APPBP2: variants seen among roughly 807,000 people sequenced by gnomAD.
The protein encoded by APPBP2 is amyloid beta precursor protein binding protein 2.
A neutral mutation model predicts 76.0 loss-of-function variants in APPBP2; 15 were observed. The observed-to-expected ratio is 0.20, with a 90% CI of 0.13 to 0.30. APPBP2 has a LOEUF of 0.30. Among genes scored for constraint, APPBP2 ranks in the 10% least tolerant of loss-of-function variants. The probability of loss-of-function intolerance (pLI) is 1.00; values close to 1 mark genes in which losing one functional copy is unlikely to be tolerated. For missense variants in APPBP2, 401 were observed against 687.2 expected, an observed-to-expected ratio of 0.58 and a Z score of 4.66; for synonymous variants, 222 against 242.2, an observed-to-expected ratio of 0.92 and a Z score of 0.77.
intron 1 of APPBP2, among the ~76,000 whole-genome samples, chr17:60,501,678 T>G (rs1158245789): frequency 6.6e-6 from 1 of 152,220 alleles, no homozygotes; most frequent in East Asian, 1.9e-4. Flanking sequence ...AATAATACAG[T>G]GCCTTAGAAA....
intron 3 of APPBP2, among the ~76,000 whole-genome samples, chr17:60,482,995 G>A (rs1319882449): frequency 6.6e-6 from 1 of 152,184 alleles, no homozygotes; most frequent in Non-Finnish European, 1.5e-5. Context: ...AGATCCTTGA[G>A]GAATCGCCAC....
At chr17:60,502,467 C>T (rs1215030456) in intron 1 of APPBP2, among the ~76,000 whole-genome samples, 1 of 152,008 alleles carries the variant, frequency 6.6e-6, no homozygotes, top group Non-Finnish European at 1.5e-5. Flanking sequence ...TACAAACATA[C>T]ACTCCAAAAA....
At chr17:60,507,331 C>T (rs1358830732) in intron 1 of APPBP2, among the ~76,000 whole-genome samples, 5 of 151,714 alleles carry the variant, frequency 3.3e-5, no homozygotes, top group South Asian at 2.1e-4. Context: ...AAGTGGTTCT[C>T]GTGCCTCAGT....
At chr17:60,457,555 T>C (rs1176281304) in intron 9 of APPBP2, among the ~76,000 whole-genome samples, 1 of 151,990 alleles carries the variant, frequency 6.6e-6, no homozygotes, top group African/African-American at 2.4e-5. Flanking sequence ...GCCTCCCGGA[T>C]AGGTGGGTTA....
chr17:60,454,395 TTGGAG>T lies in APPBP2; in HGVS notation c.1240_1244del (p.Leu414ThrfsTer3). ...ATTCCCCAAAAGCTTTTTTAGCTAG[TTGGAG>T]TGAAGACAGGTGCAAATCATGAGCT... On this transcript the variant is annotated frameshift_variant, in exon 11 of 13. Coordinates refer to ENST00000083182, the MANE Select transcript of APPBP2 (RefSeq NM_006380.5). LOFTEE classifies it high-confidence loss of function. The T allele has an allele frequency of 6.2e-7, 1 of 1,613,076 alleles. No homozygotes were observed. Among genetic ancestry groups the T allele is most frequent in the Non-Finnish European group, 8.5e-7 (1 of 1,179,442 alleles).
chr17:60,469,591 T>C (rs561860679), intron 4 of APPBP2, among the ~76,000 whole-genome samples: 144 of 152,290 alleles, frequency 9.5e-4, no homozygotes, highest in African/African-American at 3.4e-3. Flanking sequence ...ACTTTCTGTC[T>C]CTATGAATTT....
At chr17:60,480,376 C>CGTTT (rs943904114) in intron 3 of APPBP2, among the ~76,000 whole-genome samples, 4 of 152,062 alleles carry the variant, frequency 2.6e-5, no homozygotes, top group African/African-American at 9.7e-5. Flanking sequence ...GACCTTGTCT[C>CGTTT]AAACAACAAC....
At chr17:60,482,899 A>G (rs181867882) in intron 3 of APPBP2, among the ~76,000 whole-genome samples, 2 of 152,348 alleles carry the variant, frequency 1.3e-5, no homozygotes, top group Admixed American at 1.3e-4. Flanking sequence ...ATACATGTGC[A>G]TATGTCTTTA....
At chr17:60,495,155 T>C (rs1291930654) in intron 2 of APPBP2, among the ~76,000 whole-genome samples, 1 of 151,640 alleles carries the variant, frequency 6.6e-6, no homozygotes, top group African/African-American at 2.4e-5. Context: ...CAACTAATCT[T>C]TTTTGTATTT....
intron 11 of APPBP2, 91 bp downstream of exon 11, chr17:60,454,211 G>A (rs187585152): frequency 3.1e-6 from 3 of 953,440 alleles, no homozygotes; most frequent in African/African-American, 3.4e-5. Context: ...TGCAATAAGT[G>A]TATAATTTAT....
At position 60,525,940 on chromosome 17, in the gene APPBP2, C is replaced by T. The variant is rs61735449; in HGVS notation, c.-9G>A. 2,522 of 1,594,064 alleles carry T rather than the reference C, an allele frequency of 1.6e-3. 32 individuals are homozygous for T. In the African/African-American group the frequency reaches 0.028, roughly 18 times the overall value. ...AGTTCCACGGCCGCCATCTTCCTTC[C>T]CTCCTCCTCCGCCTCCTCCGCCTCC... On this transcript the variant is annotated 5_prime_UTR_variant, in exon 1 of 13. Coordinates refer to ENST00000083182, the MANE Select transcript of APPBP2 (RefSeq NM_006380.5).
intron 8 of APPBP2, 58 bp from the exon 9 acceptor site, chr17:60,460,845 A>G: frequency 6.5e-7 from 1 of 1,549,476 alleles, no homozygotes; most frequent in Non-Finnish European, 8.7e-7. Flanking sequence ...TAGTTAAATT[A>G]AACATCCTAG....
chr17:60,505,355 G>A (rs1405994118), intron 1 of APPBP2, among the ~76,000 whole-genome samples: 3 of 152,188 alleles, frequency 2.0e-5, no homozygotes, highest in Non-Finnish European at 4.4e-5. Flanking sequence ...TCGCTCTGTC[G>A]CCTAGGTTGG....
At chr17:60,490,024 G>A (rs1221672524) in intron 3 of APPBP2, among the ~76,000 whole-genome samples, 1 of 150,082 alleles carries the variant, frequency 6.7e-6, no homozygotes, top group African/African-American at 2.5e-5. Context: ...GATAGAGTGA[G>A]ACTCCATCTC....
At chr17:60,485,110 G>T (rs2143399464) in intron 3 of APPBP2, among the ~76,000 whole-genome samples, 1 of 152,166 alleles carries the variant, frequency 6.6e-6, no homozygotes, top group Admixed American at 6.5e-5. Flanking sequence ...CAGTTTGCCG[G>T]TATTTTATTG....
intron 3 of APPBP2, among the ~76,000 whole-genome samples, chr17:60,494,150 T>C (rs1256964199): frequency 6.6e-6 from 1 of 152,184 alleles, no homozygotes; most frequent in African/African-American, 2.4e-5. Context: ...TATTATGGAA[T>C]CACATAGACA....
At chr17:60,515,715 A>G (rs1215231026) in intron 1 of APPBP2, among the ~76,000 whole-genome samples, 1 of 152,232 alleles carries the variant, frequency 6.6e-6, no homozygotes, top group Non-Finnish European at 1.5e-5. Context: ...AGGCCCTGCT[A>G]GATATTCTTA....
chr17:60,514,288 T>C (rs1302291519), intron 1 of APPBP2, among the ~76,000 whole-genome samples: 1 of 152,052 alleles, frequency 6.6e-6, no homozygotes, highest in East Asian at 1.9e-4. Context: ...AGCAAGACCC[T>C]GTCTCAAAAC....
At chr17:60,503,574 T>C (rs2090840480) in intron 1 of APPBP2, among the ~76,000 whole-genome samples, 1 of 145,594 alleles carries the variant, frequency 6.9e-6, no homozygotes, top group Non-Finnish European at 1.5e-5. Flanking sequence ...TTAGTAGAGA[T>C]GGGGTTTCAC....
Sources: allele counts gnomAD v4.1 joint callset (sites outside exome capture counted in the v4.1 genomes callset), GRCh38; gene constraint gnomAD v4.1.1; transcripts MANE v1.5; gene names NCBI Gene and HGNC (gene_info 2026-07-23, HGNC 2026-07-21).